The following WDR25 variants were observed in gnomAD, a reference collection of about 807,000 sequenced individuals.
WDR25 encodes the protein WD repeat domain 25.
Under a neutral mutation model 47.7 loss-of-function variants are expected in WDR25, and 35 were observed. The ratio of observed to expected loss-of-function variants is 0.73; its 90% CI spans 0.56 to 0.97. The LOEUF is 0.97. Ranked by LOEUF, WDR25 falls within the 50% of genes least tolerant of loss-of-function variation. WDR25 has a pLI of 0.00. For synonymous variants in WDR25, 248 were observed against 278.9 expected, an observed-to-expected ratio of 0.89 and a Z score of 1.10; for missense variants, 634 against 704.7, an observed-to-expected ratio of 0.90 and a Z score of 1.14.
Position 100,529,888 on chromosome 14 carries a change from T to A in WDR25, c.1482T>A (p.Asp494Glu). The A allele has an allele frequency of 6.2e-7, 1 of 1,613,342 alleles. No homozygotes were observed. The highest frequency in any genetic ancestry group is 2.2e-5 in the East Asian group (1 of 44,880). ...GGDLLVTGSA[D>E]GRVLMYSFRT... ...ACTTGCTGGTGACGGGCAGCGCCGA[T>A]GGCCGGGTCCTGATGTACAGCTTCC... The change falls in exon 7 of 7, where the codon GAT becomes GAA. Residue 494 changes from aspartate (D) to glutamate (E), a missense_variant. Asp to Glu is a conservative substitution (Grantham distance 45). Coordinates refer to ENST00000402312, the MANE Select transcript of WDR25 (RefSeq NM_001161476.3). This position sits in a 1 kb window ranked among gnomAD's most constrained non-coding sequence, Gnocchi z 5.1.
intron 2 of WDR25, among the ~76,000 whole-genome samples, chr14:100,460,106 T>C (rs969529214): frequency 1.4e-5 from 2 of 139,840 alleles, no homozygotes; most frequent in East Asian, 4.0e-4. Context: ...TGAACATAGA[T>C]ACAAAATTTT....
At chr14:100,477,987 G>T (rs1215459768) in intron 3 of WDR25, among the ~76,000 whole-genome samples, 1 of 152,106 alleles carries the variant, frequency 6.6e-6, no homozygotes, top group Non-Finnish European at 1.5e-5. Context: ...AGCTACTAGG[G>T]AGGCTGAGGC....
intron 2 of WDR25, among the ~76,000 whole-genome samples, chr14:100,405,404 A>G (rs1016621911): frequency 6.7e-6 from 1 of 149,526 alleles, no homozygotes; most frequent in Non-Finnish European, 1.5e-5. Context: ...CAGGTGATCC[A>G]CCCGCCTCAG....
intron 2 of WDR25, among the ~76,000 whole-genome samples, chr14:100,408,334 A>G (rs1897605509): frequency 6.6e-6 from 1 of 152,078 alleles, no homozygotes; most frequent in African/African-American, 2.4e-5. Flanking sequence ...TGTAATTACA[A>G]TTTAGGGGCT....
chr14:100,441,453 T>A (rs1020949729), intron 2 of WDR25, among the ~76,000 whole-genome samples: 1 of 151,994 alleles, frequency 6.6e-6, no homozygotes, highest in Non-Finnish European at 1.5e-5. Context: ...TCCAGACAGG[T>A]CTTACCTCTG....
chr14:100,381,726 T>G lies in WDR25; in HGVS notation c.802T>G (p.Ser268Ala). Reference protein sequence around the residue: ...LSKSHMLLSTSMDKTFKVWNA... With the variant: ...LSKSHMLLSTAMDKTFKVWNA... ...TAAGAGCCACATGCTTCTCTCCACT[T>G]CTATGGATAAAACTTTCAAGGTAAG... The change falls in exon 2 of 7, where the codon TCT becomes GCT. Residue 268 changes from serine (S) to alanine (A), a missense_variant. Ser to Ala is a moderately conservative substitution (Grantham distance 99). Transcript: ENST00000402312. The G allele has an allele frequency of 6.2e-7, 1 of 1,604,110 alleles. No individual in the cohort carries two copies. Among genetic ancestry groups the G allele is most frequent in the Non-Finnish European group, 8.5e-7 (1 of 1,176,224 alleles).
At chr14:100,472,036 A>C (rs1280343351) in intron 3 of WDR25, among the ~76,000 whole-genome samples, 1 of 152,180 alleles carries the variant, frequency 6.6e-6, no homozygotes, top group Non-Finnish European at 1.5e-5. Context: ...TCTCCTCAGA[A>C]TCCCCCGGAG....
intron 4 of WDR25, among the ~76,000 whole-genome samples, chr14:100,491,776 C>T (rs1258192194): frequency 7.2e-5 from 11 of 152,216 alleles, no homozygotes; most frequent in Admixed American, 5.2e-4. Context: ...TGTGCAGCTC[C>T]GTGCCTGGTG....
chr14:100,448,944 G>C (rs1330113135), intron 2 of WDR25, among the ~76,000 whole-genome samples: 2 of 151,918 alleles, frequency 1.3e-5, no homozygotes, highest in Non-Finnish European at 2.9e-5. Flanking sequence ...CAAACAGAGA[G>C]AAGGCATATG....
intron 2 of WDR25, among the ~76,000 whole-genome samples, chr14:100,385,901 C>T (rs1460416509): frequency 1.3e-5 from 2 of 152,058 alleles, no homozygotes; most frequent in Admixed American, 6.6e-5. Flanking sequence ...AAAACACAAC[C>T]AGCCGTTATT....
At chr14:100,433,271 A>G (rs1024896388) in intron 2 of WDR25, among the ~76,000 whole-genome samples, 2 of 152,224 alleles carry the variant, frequency 1.3e-5, no homozygotes, top group African/African-American at 4.8e-5. Flanking sequence ...AGTACAAGCC[A>G]GTTATTTTAT....
chr14:100,494,387 A>G (rs1900663512), intron 4 of WDR25, among the ~76,000 whole-genome samples: 1 of 152,126 alleles, frequency 6.6e-6, no homozygotes, highest in Non-Finnish European at 1.5e-5. Flanking sequence ...GTTGTTTTAA[A>G]TTTGCAGCCT....
rs148461150 is a variant in WDR25, at chr14:100,496,390, A to G, written c.1101+12266A>G. 8.5e-4 allele frequency among the ~76,000 whole-genome samples: 129 copies of G among 152,162 alleles called. 2 individuals carry two copies. The East Asian group carries it at 0.022, about 26-fold the overall frequency. On this transcript the variant is annotated intron_variant, in intron 4 of 6. Coordinates refer to ENST00000402312, the MANE Select transcript of WDR25 (RefSeq NM_001161476.3). The stretch of plus-strand genomic sequence containing the variant: ...CTGATAATGGTATTTGTGTCTTTTT[A>G]CTCAGTCATTGTGACTAGAGTTTTA...
intron 2 of WDR25, among the ~76,000 whole-genome samples, chr14:100,386,014 A>G (rs1897011167): frequency 6.6e-6 from 1 of 152,232 alleles, no homozygotes; most frequent in Admixed American, 6.5e-5. Context: ...GACCTTCTGT[A>G]CCTGTATGAA....
intron 3 of WDR25, among the ~76,000 whole-genome samples, chr14:100,474,534 T>C (rs1899953080): frequency 1.3e-5 from 2 of 152,254 alleles, no homozygotes; most frequent in Non-Finnish European, 2.9e-5. Context: ...GCTGCCATTA[T>C]TGACTGACTC....
chr14:100,398,150 C>T (rs1897300592), intron 2 of WDR25, among the ~76,000 whole-genome samples: 1 of 152,206 alleles, frequency 6.6e-6, no homozygotes, highest in Non-Finnish European at 1.5e-5. Context: ...GAGAAGACTT[C>T]TGATCAGGAG....
rs1900831491 is a variant in WDR25 at position 100,499,148 on chromosome 14, A to T, written c.1101+15024A>T. On this transcript the variant is annotated intron_variant, in intron 4 of 6. Transcript: ENST00000402312. The surrounding 1 kb of genome is among the most constrained non-coding windows in gnomAD (Gnocchi z 4.4). ...AAAATATAAAGAAGATAACCCATTA[A>T]ACTTCAACCCAGCCATAACCACCAC... 6.6e-6 allele frequency among the ~76,000 whole-genome samples: 1 copy of T among 152,224 alleles called. No homozygotes were observed.
chr14:100,386,616 A>G (rs1054251648), intron 2 of WDR25, among the ~76,000 whole-genome samples: 5 of 152,096 alleles, frequency 3.3e-5, no homozygotes, highest in Non-Finnish European at 7.4e-5. Flanking sequence ...CTTTGAGGCC[A>G]GGCGCGGTGG....
intron 4 of WDR25, among the ~76,000 whole-genome samples, chr14:100,522,784 G>T (rs145190503): frequency 2.6e-4 from 39 of 152,344 alleles, no homozygotes; most frequent in African/African-American, 8.7e-4. Flanking sequence ...GGTCCCCAGG[G>T]TGTCTGCCTA....
Sources: gnomAD v4.1 joint callset for allele counts (sites outside exome capture counted in the v4.1 genomes callset) on GRCh38, gnomAD v4.1.1 for gene constraint, Gnocchi (gnomAD v3.1) non-coding constraint, MANE v1.5 for transcripts, NCBI Gene and HGNC (gene_info 2026-07-23, HGNC 2026-07-21) for gene names.